ANKRD28: variants seen among roughly 807,000 people sequenced by gnomAD.
ANKRD28 encodes the protein ankyrin repeat domain 28.
Under a neutral mutation model 126.5 loss-of-function variants are expected in ANKRD28, and 44 were observed. That is an observed-to-expected ratio of 0.35 (90% CI 0.27 to 0.45). ANKRD28 has a LOEUF of 0.45. ANKRD28 is among the 20% of genes least tolerant of loss of function. ANKRD28 has a pLI of 1.00. For synonymous variants in ANKRD28, 442 were observed against 468.5 expected (o/e 0.94, Z 0.73); for missense variants, 1,110 against 1,316.6 (o/e 0.84, Z 2.43).
chr3:15,742,840 C>A (rs2057189020), intron 4 of ANKRD28, among the ~76,000 whole-genome samples: 1 of 147,048 alleles, frequency 6.8e-6, no homozygotes, highest in Non-Finnish European at 1.5e-5. Flanking sequence ...AAGTGAGGAG[C>A]CCCTCTGCCC....
At chr3:15,785,942 A>ATTTC (rs2059759790) in intron 2 of ANKRD28, among the ~76,000 whole-genome samples, 1 of 152,106 alleles carries the variant, frequency 6.6e-6, no homozygotes, top group Non-Finnish European at 1.5e-5. Context: ...CAACCTGAAA[A>ATTTC]GGGTACATAC....
intron 3 of ANKRD28, among the ~76,000 whole-genome samples, chr3:15,752,539 T>C (rs1161217041): frequency 6.6e-6 from 1 of 152,114 alleles, no homozygotes; most frequent in Non-Finnish European, 1.5e-5. Flanking sequence ...CCATATTAAA[T>C]CCAAATCAAA....
rs1478740403 is a variant in ANKRD28 at position 15,817,029 on chromosome 3, C to T, written c.28-21723G>A. The stretch of plus-strand genomic sequence containing the variant: ...TGGACAACACAGCAAAACCCTGTCT[C>T]TGTAAGAAAACAAAACCAAAACCAA... On this transcript the variant is annotated intron_variant, in intron 1 of 27. Transcript: ENST00000399451. The surrounding 1 kb of genome is among the most constrained non-coding windows in gnomAD (Gnocchi z 4.5). 6.6e-6 allele frequency among the ~76,000 whole-genome samples: 1 copy of T among 152,110 alleles called. No individual in the cohort carries two copies. The highest frequency in any genetic ancestry group is 1.5e-5 in the Non-Finnish European group (1 of 68,016).
intron 21 of ANKRD28, 135 bp downstream of exon 21, chr3:15,685,091 T>C (rs1241343356): frequency 2.5e-6 from 2 of 793,834 alleles, no homozygotes; most frequent in Non-Finnish European, 4.1e-6. Context: ...TAAGTATTAT[T>C]AGTACGTGAG....
At chr3:15,727,377 GC>G (rs1383974176) in intron 6 of ANKRD28, among the ~76,000 whole-genome samples, 1 of 151,758 alleles carries the variant, frequency 6.6e-6, no homozygotes, top group Non-Finnish European at 1.5e-5. Flanking sequence ...GACCAGCCTG[GC>G]CAACATGGTG....
intron 14 of ANKRD28, among the ~76,000 whole-genome samples, chr3:15,699,876 C>A (rs952462007): frequency 6.6e-6 from 1 of 152,182 alleles, no homozygotes; most frequent in African/African-American, 2.4e-5. Context: ...CCAGCCATCC[C>A]ATTACTGGGT....
chr3:15,748,878 C>T (rs914001403), intron 4 of ANKRD28, among the ~76,000 whole-genome samples: 2 of 151,916 alleles, frequency 1.3e-5, no homozygotes, highest in Admixed American at 6.6e-5. Context: ...TTGGAGACTT[C>T]GTTCATTTAA....
chr3:15,737,305 CGTGT>C (rs932838618), intron 4 of ANKRD28, 72 bp from the exon 5 acceptor site: 4 of 1,268,816 alleles, frequency 3.2e-6, no homozygotes, highest in South Asian at 2.7e-5. Context: ...ATATAGTGTG[CGTGT>C]GTGTGTATAA....
In ANKRD28 at chr3:15,712,213, T is replaced by G; in HGVS notation, c.1200A>C (p.Ile400=). The part of the protein sequence containing the change: ...TSGADTAKRG[I]HGMFPLHLAA... The stretch of plus-strand genomic sequence containing the variant: ...CCAAATGGAGGGGGAACATTCCATG[T>G]ATGCCACGCCTAAAGTTAATAGAAC... The change falls in exon 11 of 28, where the codon ATA becomes ATC. Residue 400 remains isoleucine, a synonymous_variant. Coordinates refer to ENST00000683139, the MANE Select transcript of ANKRD28 (RefSeq NM_001349278.2). The G allele has an allele frequency of 6.3e-7, 1 of 1,579,812 alleles. No individual in the cohort carries two copies.
chr3:15,796,643 GT>G lies in ANKRD28; in HGVS notation c.-123del, dbSNP rs34139082. Reference sequence around the variant, plus strand: ...AACATTCTCTGAACAGCACAGCTGGGTTTTTTTTTTTTTTAAAGTTAATAAG... The same window carrying G: ...AACATTCTCTGAACAGCACAGCTGGGTTTTTTTTTTTTTAAAGTTAATAAG... On this transcript the variant is annotated 5_prime_UTR_variant, in exon 1 of 28. Coordinates refer to ENST00000683139, the MANE Select transcript of ANKRD28 (RefSeq NM_001349278.2). 0.099 allele frequency: 89,585 copies of G among 906,602 alleles called. 2,563 individuals are homozygous for G. Among genetic ancestry groups the G allele is most frequent in the East Asian group, 0.51 (4,351 of 8,578 alleles). The allele number at this position is 906,602 out of a possible 1,614,324, so 56.2% of individuals were successfully genotyped here. A position where few individuals can be genotyped will look rare whatever the true frequency, so the allele number is the denominator to read the frequency against.
At chr3:15,799,302 T>C (rs545926843), upstream of ANKRD28, among the ~76,000 whole-genome samples, 7 of 145,928 alleles carry the variant, frequency 4.8e-5, no homozygotes, top group East Asian at 1.1e-3. Context: ...AAGCAAGTCT[T>C]AAAACCATAA....
intron 4 of ANKRD28, among the ~76,000 whole-genome samples, chr3:15,737,899 T>TAA (rs34999182): frequency 6.9e-6 from 1 of 144,380 alleles, no homozygotes; most frequent in Non-Finnish European, 1.5e-5. Context: ...TCAATTTCAT[T>TAA]AAAAAAAAAA....
In ANKRD28 at chr3:15,685,315, G is replaced by A; in HGVS notation, c.2300C>T (p.Ala767Val). The A allele has an allele frequency of 6.2e-7, 1 of 1,613,984 alleles. No individual in the cohort carries two copies. The highest frequency in any genetic ancestry group is 1.1e-5 in the South Asian group (1 of 91,084). Residue 767 changes from alanine (A) to valine (V), a missense_variant, in exon 21 of 28, where the codon GCC becomes GTC. By Grantham distance (64) the Ala-to-Val change is moderately conservative. Coordinates refer to ENST00000683139, the MANE Select transcript of ANKRD28 (RefSeq NM_001349278.2). Reference sequence around the variant, plus strand: ...CATAGATGCTGCTGACTGCAAAAGGGCTCCAAGAACACCAATGTGTCCACA... The same window carrying A: ...CATAGATGCTGCTGACTGCAAAAGGACTCCAAGAACACCAATGTGTCCACA... ...AACGHIGVLG[A>V]LLQSAASMDA...
intron 2 of ANKRD28, 30 bp from the exon 3 acceptor site, chr3:15,766,342 G>A (rs1162446597): frequency 1.3e-6 from 2 of 1,525,648 alleles, no homozygotes; most frequent in Admixed American, 1.8e-5. Flanking sequence ...TGGGAAATAA[G>A]TTTTAAAATA....
In ANKRD28 at chr3:15,822,779, A is replaced by G. The variant is rs183258959; in HGVS notation, c.28-27473T>C. Among the ~76,000 whole-genome samples the G allele has an allele frequency of 7.9e-5, 12 of 152,314 alleles. No homozygotes were observed. In the East Asian group the frequency reaches 2.3e-3, roughly 29 times the overall value. The stretch of plus-strand genomic sequence containing the variant: ...TAAAAAATAGAAGTCACAGAAAGGA[A>G]CTAAATAGAAATTCTGGAGCTAAAG... On this transcript the variant is annotated intron_variant, in intron 1 of 27. Coordinates refer to the ANKRD28 transcript ENST00000399451.
rs555151400 is a variant in ANKRD28 at position 15,669,331 on chromosome 3, G to T, written c.*939C>A. On this transcript the variant is annotated 3_prime_UTR_variant, in exon 28 of 28. Transcript: ENST00000683139. The stretch of plus-strand genomic sequence containing the variant: ...GACTAAGGTGTGCCATTCATAGAGA[G>T]GTTGAAGACTCCATGCCCCAGGACC... The T allele has an allele frequency of 6.6e-6, 1 of 152,182 alleles. No individual in the cohort carries two copies. 9.4% of individuals were successfully genotyped at this position (152,182 alleles called of 1,614,324 possible).
intron 4 of ANKRD28, among the ~76,000 whole-genome samples, chr3:15,749,334 G>A (rs149470906): frequency 0.14 from 20,402 of 150,138 alleles, 2,091 homozygotes; most frequent in East Asian, 0.58. Flanking sequence ...GGATGGTCTC[G>A]ATCTCCTGAC....
chr3:15,697,873 T>G (rs531814641), intron 14 of ANKRD28, among the ~76,000 whole-genome samples: 10 of 152,304 alleles, frequency 6.6e-5, no homozygotes, highest in Admixed American at 1.3e-4. Context: ...GACTTTTATT[T>G]GTTTGGTAGG....
chr3:15,763,777 G>C (rs928481015), intron 3 of ANKRD28, among the ~76,000 whole-genome samples: 3 of 152,082 alleles, frequency 2.0e-5, no homozygotes, highest in African/African-American at 7.3e-5. Context: ...AGAAATCTGG[G>C]GTGGGGAGAT....
Sources: allele counts gnomAD v4.1 joint callset (sites outside exome capture counted in the v4.1 genomes callset), GRCh38; gene constraint gnomAD v4.1.1; non-coding constraint Gnocchi (gnomAD v3.1); transcripts MANE v1.5; gene names NCBI Gene and HGNC (gene_info 2026-07-23, HGNC 2026-07-21).